The following FCAR variants were observed in gnomAD, a reference collection of about 807,000 sequenced individuals.
The protein encoded by FCAR is immunoglobulin alpha Fc receptor.
Under a neutral mutation model 27.1 loss-of-function variants are expected in FCAR, and 21 were observed. The ratio of observed to expected loss-of-function variants is 0.77; its 90% CI spans 0.55 to 1.11. FCAR has a LOEUF of 1.11. FCAR is among the 50% of genes most tolerant of loss of function. The pLI, the probability that FCAR is intolerant of heterozygous loss-of-function variation, is 0.00. For missense variants in FCAR, 404 were observed against 358.4 expected, an observed-to-expected ratio of 1.13 and a Z score of -1.03; for synonymous variants, 134 against 135.8, an observed-to-expected ratio of 0.99 and a Z score of 0.09.
At chr19:54,875,232 T>C (rs1569530070) in intron 1 of FCAR, 98 bp from the exon 2 acceptor site, 1 of 959,016 alleles carries the variant, frequency 1.0e-6, no homozygotes, top group African/African-American at 1.6e-5. Flanking sequence ...TGTGAATCCA[T>C]CTGGTACTGG....
At chr19:54,888,330 G>A in intron 4 of FCAR, 36 bp downstream of exon 4, 1 of 1,607,474 alleles carries the variant, frequency 6.2e-7, no homozygotes. Context: ...TGTCTGGGTT[G>A]GCTGTCCAGG....
chr19:54,888,095 C>T lies in FCAR; in HGVS notation c.450C>T (p.His150=), dbSNP rs759821624. The part of the protein sequence containing the change: ...ENISLTCSSA[H]IPFDRFSLAK... ...TTTCCCTCACGTGCAGCTCAGCACA[C>T]ATCCCATTTGATAGATTTTCACTGG... The change falls in exon 4 of 5, where the codon CAC becomes CAT. Residue 150 remains histidine, a synonymous_variant. Transcript: ENST00000355524. 1.9e-6 allele frequency: 3 copies of T among 1,614,004 alleles called. No homozygotes were observed. Among genetic ancestry groups the T allele is most frequent in the Non-Finnish European group, 2.5e-6 (3 of 1,179,974 alleles).
intron 2 of FCAR, among the ~76,000 whole-genome samples, chr19:54,881,245 G>C (rs1213855022): frequency 6.6e-6 from 1 of 152,158 alleles, no homozygotes; most frequent in African/African-American, 2.4e-5. Flanking sequence ...GAGCAGGGGG[G>C]ACAGGTGGGT....
chr19:54,878,704 G>A (rs1349189856), intron 2 of FCAR, among the ~76,000 whole-genome samples: 1 of 144,956 alleles, frequency 6.9e-6, no homozygotes. Context: ...TTTGATCTTT[G>A]TTGGTATAAA....
chr19:54,885,975 G>A (rs1201096297), intron 3 of FCAR, among the ~76,000 whole-genome samples: 3 of 152,118 alleles, frequency 2.0e-5, no homozygotes, highest in South Asian at 2.1e-4. Context: ...CGCTGGGCGC[G>A]GTGGCTCACG....
In FCAR at chr19:54,888,118, T is replaced by C; in HGVS notation, c.473T>C (p.Leu158Pro). 5 of 1,614,144 alleles carry C rather than the reference T, an allele frequency of 3.1e-6. No individual in the cohort carries two copies. Among genetic ancestry groups the C allele is most frequent in the South Asian group, 1.1e-5 (1 of 91,076 alleles). ...CACATCCCATTTGATAGATTTTCAC[T>C]GGCCAAGGAGGGAGAACTTTCTCTG... ...SAHIPFDRFS[L>P]AKEGELSLPQ... is the part of the protein sequence containing the mutation. The change falls in exon 4 of 5, where the codon CTG becomes CCG. Residue 158 changes from leucine to proline, a missense_variant. Transcript: ENST00000355524.
At chr19:54,880,551 C>G (rs2066352137) in intron 2 of FCAR, among the ~76,000 whole-genome samples, 1 of 152,166 alleles carries the variant, frequency 6.6e-6, no homozygotes, top group Non-Finnish European at 1.5e-5. Flanking sequence ...CTATTTCTGT[C>G]ATTTCAGCCA....
chr19:54,876,908 G>A (rs1398309684), intron 2 of FCAR, among the ~76,000 whole-genome samples: 8 of 152,252 alleles, frequency 5.3e-5, no homozygotes, highest in East Asian at 1.9e-4. Flanking sequence ...GCAACAGAGC[G>A]AGACTCCTAT....
chr19:54,881,884 TAAATAAATAAATAAATAAATAAATAAA>T (rs2066439600), intron 2 of FCAR, among the ~76,000 whole-genome samples: 1 of 4,852 alleles, frequency 2.1e-4, no homozygotes, highest in South Asian at 7.8e-3. Context: ...CCGTCTCAAA[TAAATAAATAAATAAATAAATAAATAAA>T]TAAATAAATA....
intron 2 of FCAR, among the ~76,000 whole-genome samples, chr19:54,876,226 T>C (rs145997837): frequency 6.6e-6 from 1 of 152,332 alleles, no homozygotes; most frequent in African/African-American, 2.4e-5. Flanking sequence ...TTAAGAAGTG[T>C]TTGGGCAGAG....
At chr19:54,879,980 C>T (rs762767705) in intron 2 of FCAR, among the ~76,000 whole-genome samples, 3 of 152,184 alleles carry the variant, frequency 2.0e-5, no homozygotes, top group Non-Finnish European at 4.4e-5. Context: ...CCACCGCGCC[C>T]GGCCGACATT....
At position 54,887,874 on chromosome 19, in the gene FCAR, G is replaced by A. The variant is rs183371269; in HGVS notation, c.362-133G>A. 1.9e-3 allele frequency: 1,188 copies of A among 626,250 alleles called. 17 individuals carry two copies. In the East Asian group the frequency reaches 0.029, roughly 15 times the overall value. The allele number at this position is 626,250 out of a possible 1,614,324, so 38.8% of individuals were successfully genotyped here. On this transcript the variant is annotated intron_variant, in intron 3 of 4. Transcript: ENST00000355524. ...GGAGGTTGCAGTGAGCTGAGATCAC[G>A]CCACTGCACTCCAGCTTGGGCAATA... is the stretch of plus-strand genomic sequence containing the variant.
chr19:54,882,395 T>C (rs976174220), intron 2 of FCAR, among the ~76,000 whole-genome samples: 2 of 152,132 alleles, frequency 1.3e-5, no homozygotes, highest in Non-Finnish European at 2.9e-5. Context: ...TGGGGAACTA[T>C]CGAGTTGCCA....
chr19:54,889,963 A>C lies in FCAR; in HGVS notation c.*100A>C, dbSNP rs1358059732. 4 of 860,978 alleles carry C rather than the reference A, an allele frequency of 4.6e-6. No homozygotes were observed. Among genetic ancestry groups the C allele is most frequent in the Non-Finnish European group, 7.1e-6 (4 of 565,092 alleles). 53.3% of individuals were successfully genotyped at this position (860,978 alleles called of 1,614,324 possible). On this transcript the variant is annotated 3_prime_UTR_variant, in exon 5 of 5. Coordinates refer to ENST00000355524, the MANE Select transcript of FCAR (RefSeq NM_002000.4). The stretch of plus-strand genomic sequence containing the variant: ...AAAGCTCACTAAGAAGCTTGAATCT[A>C]CTTTTTTTTTTTTTTGAGACAGAGT...
At chr19:54,879,744 C>T (rs972557972) in intron 2 of FCAR, among the ~76,000 whole-genome samples, 1 of 150,274 alleles carries the variant, frequency 6.7e-6, no homozygotes, top group South Asian at 2.1e-4. Flanking sequence ...AGTGCAATGG[C>T]GTGATCTCGG....
intron 2 of FCAR, among the ~76,000 whole-genome samples, chr19:54,878,848 T>TATAG (rs1436270593): frequency 8.6e-5 from 13 of 150,860 alleles, no homozygotes; most frequent in Non-Finnish European, 1.9e-4. Context: ...ATGGGTTTCT[T>TATAG]ATAGGCAGCA....
At chr19:54,877,955 G>A (rs371212107) in intron 2 of FCAR, among the ~76,000 whole-genome samples, 6 of 142,778 alleles carry the variant, frequency 4.2e-5, no homozygotes, top group African/African-American at 7.8e-5. Flanking sequence ...TTGCTCTGTC[G>A]CCCAGGCTGG....
At chr19:54,880,764 G>A (rs1171125451) in intron 2 of FCAR, 1 of 152,162 alleles carries the variant, frequency 6.6e-6, no homozygotes, top group South Asian at 2.1e-4. Context: ...TTCTTTTCTG[G>A]ATGGTTTCAG....
intron 1 of FCAR, 104 bp downstream of exon 1, chr19:54,874,427 G>A (rs2065980556): frequency 8.6e-7 from 1 of 1,164,304 alleles, no homozygotes; most frequent in East Asian, 2.4e-5. Flanking sequence ...TGGCTGCCAA[G>A]GAGATTCTGA....
Sources: gnomAD v4.1 joint callset for allele counts (sites outside exome capture counted in the v4.1 genomes callset) on GRCh38, gnomAD v4.1.1 for gene constraint, MANE v1.5 for transcripts, NCBI Gene and HGNC (gene_info 2026-07-23, HGNC 2026-07-21) for gene names.